DLGAP1: variants seen among roughly 807,000 people sequenced by gnomAD.
DLGAP1 encodes the protein disks large-associated protein 1.
Under a neutral mutation model 90.8 loss-of-function variants are expected in DLGAP1, and 11 were observed. The ratio of observed to expected loss-of-function variants is 0.12; its 90% CI spans 0.08 to 0.20. The LOEUF is 0.20. Ranked by LOEUF, DLGAP1 falls within the 10% of genes least tolerant of loss-of-function variation. The pLI is 1.00. For synonymous variants in DLGAP1, 558 were observed against 540.7 expected (o/e 1.03, Z -0.44); for missense variants, 1,050 against 1,333.8 (o/e 0.79, Z 3.31).
chr18:4,400,964 T>C (rs2082541592), intron 1 of DLGAP1, among the ~76,000 whole-genome samples: 1 of 152,182 alleles, frequency 6.6e-6, no homozygotes, highest in Admixed American at 6.5e-5. Context: ...AGGTCCTTAT[T>C]TTCACACTCA....
At chr18:3,789,976 A>C (rs1229146039) in intron 5 of DLGAP1, among the ~76,000 whole-genome samples, 2 of 152,184 alleles carry the variant, frequency 1.3e-5, no homozygotes, top group Non-Finnish European at 2.9e-5. Flanking sequence ...GTCAAAGAAA[A>C]TTCTTTTAGC....
intron 7 of DLGAP1, among the ~76,000 whole-genome samples, chr18:3,663,647 C>G (rs2059767072): frequency 6.6e-6 from 1 of 152,136 alleles, no homozygotes; most frequent in Non-Finnish European, 1.5e-5. Flanking sequence ...CTGGAGGTGC[C>G]AATTACAGGT....
rs1186426563 is a variant in DLGAP1 at position 3,720,888 on chromosome 18, C to CAAAAAAAAA, written c.1591+8238_1591+8246dup. 7.0e-4 allele frequency among the ~76,000 whole-genome samples: 35 copies of CAAAAAAAAA among 50,280 alleles called. 1 individual carries two copies. The highest frequency in any genetic ancestry group is 0.015 in the Middle Eastern group (1 of 66). 33.0% of individuals were successfully genotyped at this position (50,280 alleles called of 152,430 possible). A position where few individuals can be genotyped will look rare whatever the true frequency, so the allele number is the denominator to read the frequency against. ...GCAACATACTAAGACCTTGTCTCTA[C>CAAAAAAAAA]AAAAAAAAAAAAAAAAAAAAATTAG... is the stretch of plus-strand genomic sequence containing the variant. On this transcript the variant is annotated intron_variant, in intron 7 of 12. Coordinates refer to ENST00000315677, the MANE Select transcript of DLGAP1 (RefSeq NM_004746.4).
chr18:3,647,141 C>T (rs2059151181), intron 7 of DLGAP1, among the ~76,000 whole-genome samples: 2 of 151,654 alleles, frequency 1.3e-5, no homozygotes, highest in African/African-American at 4.8e-5. Flanking sequence ...GTAATCCCAG[C>T]TACTAGGGAG....
At chr18:4,109,192 G>C (rs934551834) in intron 2 of DLGAP1, among the ~76,000 whole-genome samples, 2 of 151,932 alleles carry the variant, frequency 1.3e-5, no homozygotes, top group African/African-American at 4.8e-5. Context: ...TTGGGGAAGT[G>C]GTTGTGTGTG....
intron 1 of DLGAP1, among the ~76,000 whole-genome samples, chr18:4,418,596 C>T (rs981474205): frequency 2.0e-5 from 3 of 152,040 alleles, no homozygotes; most frequent in African/African-American, 7.2e-5. Context: ...CATTAGTAGA[C>T]TCAACATAGT....
chr18:4,415,455 G>A (rs577818462), intron 1 of DLGAP1, among the ~76,000 whole-genome samples: 10 of 151,934 alleles, frequency 6.6e-5, no homozygotes, highest in African/African-American at 1.5e-4. Flanking sequence ...TTGTTAAATC[G>A]GTAAGACTTG....
At chr18:4,305,091 A>G (rs1438021347) in intron 1 of DLGAP1, among the ~76,000 whole-genome samples, 1 of 152,126 alleles carries the variant, frequency 6.6e-6, no homozygotes, top group Admixed American at 6.5e-5. Context: ...TTTTGTTCCT[A>G]TCATGTGCCA....
chr18:4,259,934 C>T (rs1459560264), intron 1 of DLGAP1, among the ~76,000 whole-genome samples: 1 of 152,102 alleles, frequency 6.6e-6, no homozygotes. Flanking sequence ...AAATTCTCTA[C>T]TACTTTCTAA....
At chr18:3,562,009 A>G (rs954375061) in intron 9 of DLGAP1, among the ~76,000 whole-genome samples, 1 of 150,456 alleles carries the variant, frequency 6.6e-6, no homozygotes, top group Non-Finnish European at 1.5e-5. Flanking sequence ...CGGGAAGATC[A>G]TAAGGTCAGG....
chr18:3,855,462 T>G (rs1246545593), intron 4 of DLGAP1, among the ~76,000 whole-genome samples: 1 of 152,154 alleles, frequency 6.6e-6, no homozygotes, highest in Non-Finnish European at 1.5e-5. Context: ...AAGGAATTAG[T>G]TCTATCGATG....
chr18:4,304,485 G>A (rs1256405371), intron 1 of DLGAP1, among the ~76,000 whole-genome samples: 1 of 152,166 alleles, frequency 6.6e-6, no homozygotes, highest in African/African-American at 2.4e-5. Context: ...ACAATTGCTA[G>A]CTGATTCTGT....
rs913137119 is a variant in DLGAP1, at chr18:4,415,062, T to C, written c.-267+39944A>G. ...ATACACACACACACACATACACATA[T>C]ATATATATATAATGACTGTTGATAT... On this transcript the variant is annotated intron_variant, in intron 1 of 12. Transcript: ENST00000315677. 4.6e-5 allele frequency among the ~76,000 whole-genome samples: 7 copies of C among 151,566 alleles called. No individual in the cohort carries two copies. The East Asian group carries it at 5.8e-4, about 13-fold the overall frequency.
At chr18:3,899,105 T>C (rs1408191923) in intron 3 of DLGAP1, among the ~76,000 whole-genome samples, 2 of 152,120 alleles carry the variant, frequency 1.3e-5, no homozygotes, top group Non-Finnish European at 2.9e-5. Context: ...ACTACACTTA[T>C]GAGCAAAGAC....
intron 1 of DLGAP1, among the ~76,000 whole-genome samples, chr18:4,448,918 A>C (rs868385454): frequency 3.3e-5 from 5 of 152,072 alleles, no homozygotes; most frequent in South Asian, 2.1e-4. Context: ...CTCCCACAAC[A>C]CTTTCCACCT....
chr18:3,757,721 C>A (rs888993978), intron 5 of DLGAP1, among the ~76,000 whole-genome samples: 1 of 152,134 alleles, frequency 6.6e-6, no homozygotes, highest in African/African-American at 2.4e-5. Context: ...ACTGAATAAA[C>A]TTGAAATAGC....
intron 1 of DLGAP1, among the ~76,000 whole-genome samples, chr18:4,427,507 T>A (rs1193964582): frequency 6.6e-6 from 1 of 152,156 alleles, no homozygotes; most frequent in Non-Finnish European, 1.5e-5. Flanking sequence ...AGCTTGTTCT[T>A]CAGGGAGGTT....
At chr18:3,812,730 G>A (rs1395970267) in intron 5 of DLGAP1, among the ~76,000 whole-genome samples, 1 of 152,130 alleles carries the variant, frequency 6.6e-6, no homozygotes, top group Non-Finnish European at 1.5e-5. Flanking sequence ...GTCTCTGTCC[G>A]GATCTTTAAA....
At position 3,879,409 on chromosome 18, in the gene DLGAP1, G is replaced by GC. The variant is rs1337709845; in HGVS notation, c.659dup (p.Val221ArgfsTer104). ...CGGGGCACCTGCCCATGGTCATCACGCCCGAGGGGGCGTGGTAGATGCACA... is the reference window on the plus strand; with the variant it reads ...CGGGGCACCTGCCCATGGTCATCACGCCCCGAGGGGGCGTGGTAGATGCACA... On this transcript the variant is annotated frameshift_variant, in exon 4 of 13. Coordinates refer to ENST00000315677, the MANE Select transcript of DLGAP1 (RefSeq NM_004746.4). LOFTEE classifies it high-confidence loss of function. The surrounding 1 kb of genome is among the most constrained non-coding windows in gnomAD (Gnocchi z 6.6). 2 of 1,611,668 alleles carry GC rather than the reference G, an allele frequency of 1.2e-6. No individual in the cohort carries two copies. Among genetic ancestry groups the GC allele is most frequent in the Non-Finnish European group, 1.7e-6 (2 of 1,179,970 alleles).
Sources: allele counts gnomAD v4.1 joint callset (sites outside exome capture counted in the v4.1 genomes callset), GRCh38; gene constraint gnomAD v4.1.1; non-coding constraint Gnocchi (gnomAD v3.1); transcripts MANE v1.5; gene names NCBI Gene and HGNC (gene_info 2026-07-23, HGNC 2026-07-21).